The following MAGI1 variants were observed in gnomAD, a reference collection of about 807,000 sequenced individuals.
MAGI1 encodes membrane-associated guanylate kinase, WW and PDZ domain-containing protein 1.
MAGI1 carries 58 observed loss-of-function variants against 139.9 expected under a neutral mutation model. That is an observed-to-expected ratio of 0.41 (90% CI 0.34 to 0.52). The LOEUF (loss-of-function observed/expected upper bound fraction) is 0.52, where lower values mean the gene tolerates loss of function less well. MAGI1 is among the 20% of genes least tolerant of loss of function. MAGI1 has a pLI of 0.12. For missense variants in MAGI1, 1,874 were observed against 1,901.6 expected (o/e 0.99, Z 0.27); for synonymous variants, 812 against 737.9 (o/e 1.10, Z -1.63).
chr3:65,380,924 C>T (rs1038319811), intron 16 of MAGI1: 2 of 150,538 alleles, frequency 1.3e-5, no homozygotes, highest in African/African-American at 4.8e-5. Flanking sequence ...ATGGGTTATA[C>T]TCTTTTTTTT....
chr3:65,646,438 C>G (rs549105964), intron 1 of MAGI1, among the ~76,000 whole-genome samples: 82 of 151,992 alleles, frequency 5.4e-4, no homozygotes, highest in Non-Finnish European at 1.0e-3. Context: ...AGGAACAAAT[C>G]AACAATCGTT....
At chr3:65,961,647 G>A (rs2064429526) in intron 1 of MAGI1, among the ~76,000 whole-genome samples, 1 of 152,224 alleles carries the variant, frequency 6.6e-6, no homozygotes, top group African/African-American at 2.4e-5. Flanking sequence ...GGTCTAGTGA[G>A]TGCCTAGATA....
At chr3:65,569,371 C>T (rs1442943578) in intron 2 of MAGI1, among the ~76,000 whole-genome samples, 2 of 151,932 alleles carry the variant, frequency 1.3e-5, no homozygotes, top group African/African-American at 4.8e-5. Flanking sequence ...GATGGTTGCA[C>T]AATAGCATAA....
chr3:65,598,518 A>G (rs541053648), intron 2 of MAGI1, among the ~76,000 whole-genome samples: 1 of 152,352 alleles, frequency 6.6e-6, no homozygotes, highest in Admixed American at 6.5e-5. Context: ...AGGAATTCCA[A>G]TAGATAATAA....
At chr3:65,836,603 G>T (rs1304532778) in intron 1 of MAGI1, among the ~76,000 whole-genome samples, 1 of 151,978 alleles carries the variant, frequency 6.6e-6, no homozygotes, top group Non-Finnish European at 1.5e-5. Context: ...GGTGGATCAC[G>T]AGGTCAGGAG....
rs1271968348 is a variant in MAGI1 at position 65,514,503 on chromosome 3, T to C, written c.431-20872A>G. ...CCCATCAAAAACTGGGCGAATGACA[T>C]GAACAGACACTTCTCAAAAGAAGAC... On this transcript the variant is annotated intron_variant, in intron 2 of 22. Coordinates refer to ENST00000402939, the MANE Select transcript of MAGI1 (RefSeq NM_001033057.2). Among the ~76,000 whole-genome samples, 4 of 150,476 alleles carry C rather than the reference T, an allele frequency of 2.7e-5. No individual in the cohort carries two copies. In the Admixed American group the frequency reaches 2.7e-4, roughly 10 times the overall value.
chr3:65,773,255 G>C, intron 1 of MAGI1, among the ~76,000 whole-genome samples: 1 of 152,064 alleles, frequency 6.6e-6, no homozygotes, highest in African/African-American at 2.4e-5. Context: ...GTAGGGGGTC[G>C]GGCACCATGG....
chr3:65,735,464 T>G lies in MAGI1; in HGVS notation c.314-113376A>C, dbSNP rs73832939. On this transcript the variant is annotated intron_variant, in intron 1 of 22. Coordinates refer to ENST00000402939, the MANE Select transcript of MAGI1 (RefSeq NM_001033057.2). ...GAGACCTACATAAGAACCAATAAGA[T>G]GAGTGAGATCAGCGAGATTCCATTA... Among the ~76,000 whole-genome samples the G allele has an allele frequency of 2.7e-3, 417 of 151,914 alleles. 4 individuals are homozygous for G. Among genetic ancestry groups the G allele is most frequent in the African/African-American group, 9.3e-3 (385 of 41,418 alleles).
chr3:65,662,365 A>T (rs1243998316), intron 1 of MAGI1, among the ~76,000 whole-genome samples: 2 of 152,216 alleles, frequency 1.3e-5, no homozygotes, highest in Non-Finnish European at 2.9e-5. Context: ...CCAGACAGTA[A>T]TTATTTTAGG....
intron 1 of MAGI1, among the ~76,000 whole-genome samples, chr3:65,872,611 T>C (rs1267996240): frequency 6.6e-6 from 1 of 152,132 alleles, no homozygotes; most frequent in Non-Finnish European, 1.5e-5. Flanking sequence ...ACCAAAACAC[T>C]CAGACAATAA....
intron 1 of MAGI1, among the ~76,000 whole-genome samples, chr3:66,017,253 G>A (rs1336689992): frequency 2.6e-5 from 4 of 152,228 alleles, no homozygotes; most frequent in Admixed American, 6.5e-5. Context: ...GCGGGAAGAC[G>A]CAAGCACTTG....
At chr3:65,795,930 A>G (rs1449466151) in intron 1 of MAGI1, among the ~76,000 whole-genome samples, 2 of 151,834 alleles carry the variant, frequency 1.3e-5, no homozygotes, top group African/African-American at 2.4e-5. Context: ...GCACACCTGT[A>G]ATCCCAGCTA....
chr3:65,557,083 T>C (rs1192712793), intron 2 of MAGI1, among the ~76,000 whole-genome samples: 1 of 152,234 alleles, frequency 6.6e-6, no homozygotes, highest in Non-Finnish European at 1.5e-5. Flanking sequence ...CGGTATGTTG[T>C]TGACCTCCAA....
intron 1 of MAGI1, among the ~76,000 whole-genome samples, chr3:65,840,843 G>A (rs1217493739): frequency 1.3e-5 from 2 of 152,126 alleles, no homozygotes; most frequent in African/African-American, 4.8e-5. Flanking sequence ...CTATTTTCTG[G>A]AAGAAATTAT....
chr3:65,499,419 G>A (rs1017191801), intron 2 of MAGI1, among the ~76,000 whole-genome samples: 3 of 152,182 alleles, frequency 2.0e-5, no homozygotes, highest in African/African-American at 7.2e-5. Flanking sequence ...GGAGGCCGAG[G>A]TGGCCAGATC....
At chr3:65,952,593 T>C (rs1210389265) in intron 1 of MAGI1, among the ~76,000 whole-genome samples, 1 of 152,066 alleles carries the variant, frequency 6.6e-6, no homozygotes, top group East Asian at 1.9e-4. Context: ...GGCGGGTGGA[T>C]CACGAGATCA....
chr3:65,813,154 G>A (rs142708197), intron 1 of MAGI1, among the ~76,000 whole-genome samples: 102 of 152,228 alleles, frequency 6.7e-4, no homozygotes, highest in African/African-American at 2.4e-3. Context: ...GGAGTGAGAG[G>A]TGAACATGGC....
chr3:65,843,774 A>G (rs1424526356), intron 1 of MAGI1: 2 of 172,506 alleles, frequency 1.2e-5, no homozygotes, highest in Admixed American at 6.2e-5. Flanking sequence ...ACTAAAAGAA[A>G]GCAAGGTTTA....
At chr3:66,021,508 T>C (rs1303427143) in intron 1 of MAGI1, among the ~76,000 whole-genome samples, 1 of 152,226 alleles carries the variant, frequency 6.6e-6, no homozygotes, top group Non-Finnish European at 1.5e-5. Context: ...ACAATCAGTG[T>C]TCATTCGAGT....
Sources: allele counts gnomAD v4.1 joint callset (sites outside exome capture counted in the v4.1 genomes callset), GRCh38; gene constraint gnomAD v4.1.1; transcripts MANE v1.5; gene names NCBI Gene and HGNC (gene_info 2026-07-23, HGNC 2026-07-21).